NECTIN3: variants seen among roughly 807,000 people sequenced by gnomAD.
NECTIN3 encodes nectin cell adhesion molecule 3, also known as nectin-3.
Under a neutral mutation model 49.4 loss-of-function variants are expected in NECTIN3, and 8 were observed. That is an observed-to-expected ratio of 0.16 (90% confidence interval 0.10 to 0.29). The LOEUF (loss-of-function observed/expected upper bound fraction) is 0.29, where lower values mean the gene tolerates loss of function less well. NECTIN3 is among the 10% of genes least tolerant of loss of function. NECTIN3 has a pLI of 1.00. For synonymous variants in NECTIN3, 277 were observed against 241.1 expected (o/e 1.15, Z -1.38); for missense variants, 581 against 654.6 (o/e 0.89, Z 1.23).
At chr3:111,118,248 C>CTCTATATATATATA (rs1553723386) in intron 2 of NECTIN3, among the ~76,000 whole-genome samples, 1 of 78,002 alleles carries the variant, frequency 1.3e-5, no homozygotes, top group Non-Finnish European at 2.6e-5. Context: ...TAAAATGAAG[C>CTCTATATATATATA]TATATATATA....
At chr3:111,186,497 G>A (rs189777077) in intron 7 of NECTIN3, among the ~76,000 whole-genome samples, 369 of 152,228 alleles carry the variant, frequency 2.4e-3, no homozygotes, top group African/African-American at 8.3e-3. Flanking sequence ...TAGGGTAAAT[G>A]GCTAGCCATA....
At chr3:111,187,787 G>C (rs985034680), upstream of NECTIN3, among the ~76,000 whole-genome samples, 9 of 152,190 alleles carry the variant, frequency 5.9e-5, no homozygotes, top group Admixed American at 5.2e-4. Context: ...GCTATAGGTT[G>C]GGTGGCTAGG....
At position 111,172,137 on chromosome 3, in the gene NECTIN3, C is replaced by T. The variant is rs112404537; in HGVS notation, c.1222-20214C>T. ...TAAGCCCTGTAATCTTAGTGCTTGTCGTTTTCCCTTGTATTTGTAGCAGCT... is the reference window on the plus strand; with the variant it reads ...TAAGCCCTGTAATCTTAGTGCTTGTTGTTTTCCCTTGTATTTGTAGCAGCT... On this transcript the variant is annotated intron_variant, in intron 7 of 8. Transcript: ENST00000493615. Among the ~76,000 whole-genome samples, 812 of 152,200 alleles carry T rather than the reference C, an allele frequency of 5.3e-3. 2 individuals carry two copies. The highest frequency in any genetic ancestry group is 9.2e-3 in the Non-Finnish European group (628 of 68,010).
At chr3:111,171,760 G>C (rs1448960272) in intron 7 of NECTIN3, among the ~76,000 whole-genome samples, 3 of 151,034 alleles carry the variant, frequency 2.0e-5, no homozygotes, top group African/African-American at 7.3e-5. Flanking sequence ...TCATCTCCTG[G>C]TAAGTTAAAA....
At chr3:111,126,695 A>G (rs2034175129) in intron 5 of NECTIN3, among the ~76,000 whole-genome samples, 1 of 152,024 alleles carries the variant, frequency 6.6e-6, no homozygotes. Context: ...TTTTGCTTTG[A>G]TGGCCACTTT....
intron 7 of NECTIN3, among the ~76,000 whole-genome samples, chr3:111,171,987 G>C (rs1045432975): frequency 3.9e-5 from 6 of 152,152 alleles, no homozygotes; most frequent in Non-Finnish European, 8.8e-5. Flanking sequence ...ACGATATGCA[G>C]ATTCAACTAA....
chr3:111,189,485 C>G (rs2035777398), upstream of NECTIN3, among the ~76,000 whole-genome samples: 1 of 152,164 alleles, frequency 6.6e-6, no homozygotes, highest in South Asian at 2.1e-4. Flanking sequence ...ATTAACTCTT[C>G]TCATGGCTTA....
At chr3:111,100,091 C>T (rs2107417822) in intron 1 of NECTIN3, among the ~76,000 whole-genome samples, 1 of 152,032 alleles carries the variant, frequency 6.6e-6, no homozygotes, top group Non-Finnish European at 1.5e-5. Context: ...CATTCTTAGA[C>T]CTTAGAAGTA....
chr3:111,079,293 C>T (rs550986314), intron 1 of NECTIN3, among the ~76,000 whole-genome samples: 92 of 152,030 alleles, frequency 6.1e-4, no homozygotes, highest in Non-Finnish European at 1.2e-3. Flanking sequence ...ATTATGGTGG[C>T]TATTTTGAAA....
At chr3:111,110,600 T>C (rs1308162511) in intron 1 of NECTIN3, among the ~76,000 whole-genome samples, 8 of 152,032 alleles carry the variant, frequency 5.3e-5, no homozygotes. Flanking sequence ...TTGTGATAGG[T>C]TGCTAAAATA....
chr3:111,189,548 T>C (rs7620372), upstream of NECTIN3, among the ~76,000 whole-genome samples: 25,549 of 152,140 alleles, frequency 0.17, 4,280 homozygotes, highest in African/African-American at 0.41. Flanking sequence ...CACCACCTCT[T>C]GTCAAGTTAG....
intron 7 of NECTIN3, among the ~76,000 whole-genome samples, chr3:111,152,572 A>T (rs1576165493): frequency 1.3e-5 from 2 of 151,888 alleles, no homozygotes; most frequent in East Asian, 3.9e-4. Context: ...ATTGTGATGA[A>T]CCTCTAAACG....
At chr3:111,122,261 A>G (rs1464791094) in intron 4 of NECTIN3, 23 bp downstream of exon 4, 5 of 1,523,228 alleles carry the variant, frequency 3.3e-6, no homozygotes, top group Non-Finnish European at 4.5e-6. Context: ...ACTTCGAAAG[A>G]GAAATTATCT....
intron 1 of NECTIN3, among the ~76,000 whole-genome samples, chr3:111,079,619 T>G (rs1016584518): frequency 4.0e-5 from 6 of 151,810 alleles, no homozygotes; most frequent in Non-Finnish European, 7.4e-5. Context: ...GGCATATAGC[T>G]AACAGTTCTA....
At chr3:111,144,784 C>T in intron 5 of NECTIN3, 1 of 1,217,748 alleles carries the variant, frequency 8.2e-7, no homozygotes, top group Non-Finnish European at 1.1e-6. Flanking sequence ...GTCCTCTAAC[C>T]TGGCTCTTGG....
chr3:111,120,133 CTT>C (rs1490397905), intron 3 of NECTIN3, among the ~76,000 whole-genome samples: 1 of 151,990 alleles, frequency 6.6e-6, no homozygotes. Context: ...AGAGTGTTAA[CTT>C]TTTTCTTTTT....
intron 2 of NECTIN3, 117 bp from the exon 3 acceptor site, chr3:111,118,539 G>A (rs975501451): frequency 9.6e-6 from 9 of 940,572 alleles, no homozygotes; most frequent in African/African-American, 1.7e-5. Flanking sequence ...AAAAGTGTGT[G>A]TAGATTTTTA....
At chr3:111,154,367 G>A (rs1259710839) in intron 7 of NECTIN3, among the ~76,000 whole-genome samples, 1 of 152,032 alleles carries the variant, frequency 6.6e-6, no homozygotes, top group South Asian at 2.1e-4. Flanking sequence ...CCTTTACGTA[G>A]CTATAATATA....
intron 7 of NECTIN3, among the ~76,000 whole-genome samples, chr3:111,149,459 A>ATGTGTG (rs56219611): frequency 0.026 from 3,308 of 128,352 alleles, 75 homozygotes; most frequent in East Asian, 0.056. Flanking sequence ...TTCTGGTAGG[A>ATGTGTG]TGTGTGTGTG....
Sources: allele counts gnomAD v4.1 joint callset (sites outside exome capture counted in the v4.1 genomes callset), GRCh38; gene constraint gnomAD v4.1.1; transcripts MANE v1.5; gene names NCBI Gene and HGNC (gene_info 2026-07-23, HGNC 2026-07-21).